Variants in DAB2 observed in about 807,000 individuals in gnomAD.
The protein encoded by DAB2 is disabled homolog 2.
DAB2 carries 28 observed loss-of-function variants against 71.6 expected under a neutral mutation model. That is an observed-to-expected ratio of 0.39 (90% CI 0.29 to 0.54). DAB2 has a LOEUF of 0.54. Ranked by LOEUF, DAB2 falls within the 20% of genes least tolerant of loss-of-function variation. The pLI, the probability that DAB2 is intolerant of heterozygous loss-of-function variation, is 0.68. For synonymous variants in DAB2, 345 were observed against 339.7 expected (o/e 1.02, Z -0.17); for missense variants, 867 against 928.8 (o/e 0.93, Z 0.86).
intron 11 of DAB2, among the ~76,000 whole-genome samples, chr5:39,378,609 G>A (rs1754887449): frequency 6.6e-6 from 1 of 152,196 alleles, no homozygotes; most frequent in Non-Finnish European, 1.5e-5. Context: ...GGGCACACAT[G>A]GTGTACTCAC....
intron 11 of DAB2, among the ~76,000 whole-genome samples, chr5:39,379,200 T>A (rs1489088350): frequency 6.6e-6 from 1 of 152,104 alleles, no homozygotes; most frequent in Non-Finnish European, 1.5e-5. Flanking sequence ...ACACCTGTAA[T>A]CCCAGCACTT....
intron 1 of DAB2, among the ~76,000 whole-genome samples, chr5:39,412,404 C>A (rs1430612563): frequency 6.6e-6 from 1 of 152,134 alleles, no homozygotes; most frequent in African/African-American, 2.4e-5. Context: ...TCTTTACCAG[C>A]AAGTTAATTC....
intron 1 of DAB2, among the ~76,000 whole-genome samples, chr5:39,399,648 A>G (rs2112076290): frequency 6.6e-6 from 1 of 152,354 alleles, no homozygotes; most frequent in African/African-American, 2.4e-5. Context: ...TGACTGCAAG[A>G]GATTCTGGAG....
rs374268027 is a variant in DAB2, at chr5:39,382,721, T to A, written c.1238A>T (p.Lys413Met). ...PKGLSIQNGVKQDLESSVQSS... is the reference protein window; with the variant it reads ...PKGLSIQNGVMQDLESSVQSS... ...CTGGACAGAGCTTTCCAAGTCCTGC[T>A]TTACGCCATTCTGTATGGACAGTCC... is the stretch of plus-strand genomic sequence containing the variant. The change falls in exon 10 of 15, where the codon AAG becomes ATG. Residue 413 changes from lysine (K) to methionine (M), a missense_variant. Physicochemically the swap from Lys to Met is moderately conservative, Grantham distance 95. Coordinates refer to ENST00000320816, the MANE Select transcript of DAB2 (RefSeq NM_001343.4). 40 of 1,614,090 alleles carry A rather than the reference T, an allele frequency of 2.5e-5. No homozygotes were observed. The highest frequency in any genetic ancestry group is 3.2e-5 in the Non-Finnish European group (38 of 1,180,036).
rs1756018569 is a variant in DAB2 at position 39,422,701 on chromosome 5, C to T, written c.-102+2103G>A. On this transcript the variant is annotated intron_variant, in intron 1 of 14. Transcript: ENST00000320816. The surrounding 1 kb of genome is among the most constrained non-coding windows in gnomAD (Gnocchi z 4.1). The stretch of plus-strand genomic sequence containing the variant: ...GGTTGAGCAGGCCAGTAAATATCAT[C>T]CCCAAACAGCTGGTCAGCAGCTGCC... 6.6e-6 allele frequency among the ~76,000 whole-genome samples: 1 copy of T among 152,072 alleles called. No individual in the cohort carries two copies. The highest frequency in any genetic ancestry group is 2.4e-5 in the African/African-American group (1 of 41,398).
At position 39,422,584 on chromosome 5, in the gene DAB2, G is replaced by T. The variant is rs928589449; in HGVS notation, c.-102+2220C>A. Among the ~76,000 whole-genome samples the T allele has an allele frequency of 6.6e-6, 1 of 152,194 alleles. No homozygotes were observed. Among genetic ancestry groups the T allele is most frequent in the Non-Finnish European group, 1.5e-5 (1 of 68,050 alleles). On this transcript the variant is annotated intron_variant, in intron 1 of 14. Transcript: ENST00000320816. This position sits in a 1 kb window ranked among gnomAD's most constrained non-coding sequence, Gnocchi z 4.1. ...GAGTTAGAAATGAAGCAGCATAAGAGCCTATGTCACAGCAAAGCCTCCTGC... is the reference window on the plus strand; with the variant it reads ...GAGTTAGAAATGAAGCAGCATAAGATCCTATGTCACAGCAAAGCCTCCTGC...
intron 9 of DAB2, chr5:39,387,823 A>G (rs1755135989): frequency 6.5e-6 from 1 of 153,242 alleles, no homozygotes; most frequent in Admixed American, 6.5e-5. Context: ...TCCTATGAGA[A>G]TGGGCAGCTT....
At position 39,422,787 on chromosome 5, in the gene DAB2, A is replaced by G. The variant is rs1291045434; in HGVS notation, c.-102+2017T>C. ...CTTAAAAGCCGTACCCTTCAACCCAAACAAGGCCAGTGAAATCCATTCAAC... is the reference window on the plus strand; with the variant it reads ...CTTAAAAGCCGTACCCTTCAACCCAGACAAGGCCAGTGAAATCCATTCAAC... On this transcript the variant is annotated intron_variant, in intron 1 of 14. Transcript: ENST00000320816. This position sits in a 1 kb window ranked among gnomAD's most constrained non-coding sequence, Gnocchi z 4.1. 1.3e-5 allele frequency among the ~76,000 whole-genome samples: 2 copies of G among 152,252 alleles called. No individual in the cohort carries two copies. The highest frequency in any genetic ancestry group is 4.8e-5 in the African/African-American group (2 of 41,536).
At chr5:39,392,340 G>A (rs1207270986) in intron 4 of DAB2, 25 bp downstream of exon 4, 2 of 1,553,914 alleles carry the variant, frequency 1.3e-6, no homozygotes, top group Non-Finnish European at 8.9e-7. Flanking sequence ...TGGTCAGAGA[G>A]GTATCAGCAA....
chr5:39,376,745 G>T lies in DAB2; in HGVS notation c.2042C>A (p.Ala681Asp). 2 of 1,614,098 alleles carry T rather than the reference G, an allele frequency of 1.2e-6. No homozygotes were observed. The highest frequency in any genetic ancestry group is 1.7e-6 in the Non-Finnish European group (2 of 1,180,006). Residue 681 changes from alanine (A) to aspartate (D), a missense_variant, in exon 12 of 15, where the codon GCC becomes GAC. Around this residue, in one of 2 missense-constraint regions of DAB2, gnomAD observed 740 missense variants for 734.3 expected, o/e 1.01. Transcript: ENST00000320816. ...GEQTSSGTLS[A>D]FASYFNSKVG... ...CTTGCTGTTGAAATAACTGGCAAAGGCACTCAAAGTCCCAGAAGAAGTCTG... is the reference window on the plus strand; with the variant it reads ...CTTGCTGTTGAAATAACTGGCAAAGTCACTCAAAGTCCCAGAAGAAGTCTG...
intron 9 of DAB2, among the ~76,000 whole-genome samples, chr5:39,384,463 G>A (rs1460402618): frequency 6.6e-6 from 1 of 152,148 alleles, no homozygotes; most frequent in African/African-American, 2.4e-5. Context: ...GACCAAGGTT[G>A]ACCACAGACT....
intron 1 of DAB2, among the ~76,000 whole-genome samples, chr5:39,404,619 C>T (rs1347294931): frequency 6.6e-6 from 1 of 151,462 alleles, no homozygotes; most frequent in African/African-American, 2.4e-5. Flanking sequence ...TGCTCTGTCT[C>T]CCAGGATGGA....
chr5:39,381,411 A>C (rs1232691200), intron 11 of DAB2, 43 bp downstream of exon 11: 1 of 1,586,786 alleles, frequency 6.3e-7, no homozygotes, highest in Non-Finnish European at 8.6e-7. Flanking sequence ...TTTTATGAGC[A>C]AAAGCAAAAG....
chr5:39,403,796 C>G (rs1337201911), intron 1 of DAB2, among the ~76,000 whole-genome samples: 1 of 148,618 alleles, frequency 6.7e-6, no homozygotes, highest in African/African-American at 2.5e-5. Context: ...CTCATTATAA[C>G]CCATCCTAAT....
At chr5:39,418,713 G>A (rs1049848418) in intron 1 of DAB2, among the ~76,000 whole-genome samples, 7 of 152,178 alleles carry the variant, frequency 4.6e-5, no homozygotes, top group Non-Finnish European at 1.0e-4. Flanking sequence ...AGGAAAGACA[G>A]TCTTCTAATT....
intron 1 of DAB2, among the ~76,000 whole-genome samples, chr5:39,424,555 A>C (rs1490186215): frequency 6.6e-6 from 1 of 151,164 alleles, no homozygotes; most frequent in Non-Finnish European, 1.5e-5. Flanking sequence ...AAATGTCACA[A>C]GCTGGGCATC....
intron 11 of DAB2, among the ~76,000 whole-genome samples, chr5:39,377,816 G>T (rs1465091964): frequency 6.6e-6 from 1 of 152,118 alleles, no homozygotes; most frequent in Admixed American, 6.5e-5. Context: ...ATGTGCACAA[G>T]ACCTCAACAT....
Position 39,389,877 on chromosome 5 carries a change from T to C in DAB2, c.518A>G (p.Lys173Arg), listed in dbSNP as rs1234113052. ...CTTTTTCTTTTCTTCTTCCTTTTTC[T>C]TTACATTATAGATAACTTGAAAAAG... ...KDLFQVIYNV[K>R]KKEEEKKKIE... Residue 173 changes from lysine to arginine, a missense_variant, in exon 6 of 15, where the codon AAG becomes AGG. Physicochemically the swap from Lys to Arg is conservative, Grantham distance 26 (BLOSUM62 2). Around this residue, in one of 2 missense-constraint regions of DAB2, gnomAD observed 740 missense variants for 734.3 expected, o/e 1.01. Transcript: ENST00000320816. The C allele has an allele frequency of 6.3e-7, 1 of 1,589,644 alleles. No individual in the cohort carries two copies. The highest frequency in any genetic ancestry group is 8.6e-7 in the Non-Finnish European group (1 of 1,163,966).
rs34744489 is a variant in DAB2 at position 39,382,821 on chromosome 5, C to G, written c.1138G>C (p.Gly380Arg). The change falls in exon 10 of 15, where the codon GGG (glycine) becomes CGG (arginine). Residue 380 changes from glycine to arginine, a missense_variant. By Grantham distance (125) the Gly-to-Arg change is moderately radical (BLOSUM62 -2). Transcript: ENST00000320816. Reference protein sequence around the residue: ...QTQPAVRTQNGVSEREQNGFS... With the variant: ...QTQPAVRTQNRVSEREQNGFS... ...CCGTTCTGTTCTCTTTCAGATACCC[C>G]ATTTTGAGTTCTCACTGCTGGCTGG... 2.3e-5 allele frequency: 37 copies of G among 1,614,148 alleles called. No individual in the cohort carries two copies. The African/African-American group carries it at 4.7e-4, about 20-fold the overall frequency.
Sources: allele counts gnomAD v4.1 joint callset (sites outside exome capture counted in the v4.1 genomes callset), GRCh38; gene constraint gnomAD v4.1.1; regional missense constraint gnomAD v4.1.1; non-coding constraint Gnocchi (gnomAD v3.1); transcripts MANE v1.5; gene names NCBI Gene and HGNC (gene_info 2026-07-23, HGNC 2026-07-21).